Variants in GRK5 observed in about 807,000 individuals in gnomAD.
GRK5 encodes the protein g protein-coupled receptor kinase GRK5.
A neutral mutation model predicts 78.4 loss-of-function variants in GRK5; 40 were observed. That is an observed-to-expected ratio of 0.51 (90% CI 0.40 to 0.66). GRK5 has a LOEUF of 0.66. Among genes scored for constraint, GRK5 ranks in the 30% least tolerant of loss-of-function variants. The pLI, the probability that GRK5 is intolerant of heterozygous loss-of-function variation, is 0.00. For missense variants in GRK5, 598 were observed against 759.9 expected (o/e 0.79, Z 2.50); for synonymous variants, 289 against 296.8 (o/e 0.97, Z 0.27).
chr10:119,298,107 T>C (rs1038795791), intron 1 of GRK5, among the ~76,000 whole-genome samples: 4 of 152,240 alleles, frequency 2.6e-5, no homozygotes, highest in African/African-American at 9.6e-5. Context: ...TTAACATTTA[T>C]TGAGCACTTA....
intron 1 of GRK5, among the ~76,000 whole-genome samples, chr10:119,289,680 G>A (rs1209565333): frequency 3.3e-5 from 5 of 152,182 alleles, no homozygotes; most frequent in Admixed American, 2.0e-4. Flanking sequence ...CGGGCCTCCC[G>A]CTTCCCGAGT....
chr10:119,349,039 TC>T (rs1851148779), intron 2 of GRK5, among the ~76,000 whole-genome samples: 2 of 152,052 alleles, frequency 1.3e-5, no homozygotes, highest in Admixed American at 1.3e-4. Flanking sequence ...TCCGCCCTCC[TC>T]CCACCCACCG....
chr10:119,304,896 T>C (rs1226642537), intron 1 of GRK5, among the ~76,000 whole-genome samples: 1 of 152,200 alleles, frequency 6.6e-6, no homozygotes, highest in Non-Finnish European at 1.5e-5. Context: ...TCCCTCCTTC[T>C]GTCCCTCCCT....
intron 2 of GRK5, among the ~76,000 whole-genome samples, chr10:119,344,938 T>TCCTTCCTTCCTTCCTTCCTTCC (rs1851061961): frequency 1.6e-5 from 1 of 62,420 alleles, no homozygotes; most frequent in Non-Finnish European, 3.4e-5. Context: ...TCCTTCCTTT[T>TCCTTCCTTCCTTCCTTCCTTCC]CCTCCCTCCC....
intron 2 of GRK5, among the ~76,000 whole-genome samples, chr10:119,334,059 C>A (rs1850830481): frequency 1.3e-5 from 2 of 152,226 alleles, no homozygotes; most frequent in African/African-American, 4.8e-5. Context: ...GCCTTCTCTT[C>A]AACCTGGAAG....
At chr10:119,318,970 C>G (rs1258293302) in intron 1 of GRK5, among the ~76,000 whole-genome samples, 1 of 152,140 alleles carries the variant, frequency 6.6e-6, no homozygotes, top group East Asian at 1.9e-4. Flanking sequence ...GCTTTAGTCT[C>G]TCAGTAGCTC....
chr10:119,261,630 ACT>A lies in GRK5; in HGVS notation c.52+53664_52+53665del, dbSNP rs577369229. On this transcript the variant is annotated intron_variant, in intron 1 of 15. Coordinates refer to ENST00000392870, the MANE Select transcript of GRK5 (RefSeq NM_005308.3). The stretch of plus-strand genomic sequence containing the variant: ...CGCCATTGAGCACTGAGTGAACCAG[ACT>A]CTGTCTGCAATCCCGGCACCTCGGG... Among the ~76,000 whole-genome samples the A allele has an allele frequency of 1.0e-3, 153 of 152,248 alleles. 2 individuals are homozygous for A. In the Middle Eastern group the frequency reaches 0.034, roughly 34 times the overall value.
rs749921571 is a variant in GRK5, at chr10:119,326,532, C to A, written c.69C>A (p.Arg23=). ...TCTCTGCAGGGGGCGGAGGAAAGCG[C>A]AAAGGGAAAAGCAAGAAGTGGAAAG... is the stretch of plus-strand genomic sequence containing the variant. ...LKAREGGGGK[R]KGKSKKWKEI... Residue 23 remains arginine (R), a synonymous_variant, in exon 2 of 16, where the codon CGC becomes CGA. Transcript: ENST00000392870. 5.8e-5 allele frequency: 94 copies of A among 1,613,988 alleles called. No homozygotes were observed. The Admixed American group carries it at 1.5e-3, about 26-fold the overall frequency.
chr10:119,296,224 G>T (rs188597054), intron 1 of GRK5, among the ~76,000 whole-genome samples: 3 of 152,160 alleles, frequency 2.0e-5, no homozygotes, highest in African/African-American at 7.2e-5. Context: ...CAGGCGTCAC[G>T]TCTAGTCCCA....
At chr10:119,313,324 CAGT>C (rs1850430254) in intron 1 of GRK5, among the ~76,000 whole-genome samples, 1 of 137,700 alleles carries the variant, frequency 7.3e-6, no homozygotes, top group African/African-American at 2.7e-5. Context: ...GTGGCAATGG[CAGT>C]GGTGGTGGTG....
chr10:119,226,386 A>G (rs1369780857), intron 1 of GRK5, among the ~76,000 whole-genome samples: 2 of 138,692 alleles, frequency 1.4e-5, no homozygotes, highest in Non-Finnish European at 3.0e-5. Flanking sequence ...ATCTCGGCCC[A>G]CTGCAACCTT....
At chr10:119,220,967 A>G (rs895251577) in intron 1 of GRK5, among the ~76,000 whole-genome samples, 1 of 152,204 alleles carries the variant, frequency 6.6e-6, no homozygotes, top group African/African-American at 2.4e-5. Flanking sequence ...GAGCCTGGCC[A>G]ACATGGCAAA....
intron 1 of GRK5, among the ~76,000 whole-genome samples, chr10:119,306,183 T>C (rs1487519691): frequency 2.0e-5 from 3 of 152,160 alleles, no homozygotes; most frequent in Non-Finnish European, 2.9e-5. Context: ...CAGAGTCTAG[T>C]TGAGGCTCTG....
intron 1 of GRK5, among the ~76,000 whole-genome samples, chr10:119,266,322 G>A (rs1430464088): frequency 6.6e-6 from 1 of 152,134 alleles, no homozygotes. Flanking sequence ...AGGCATGATG[G>A]TGCTCATGCT....
intron 1 of GRK5, among the ~76,000 whole-genome samples, chr10:119,296,463 G>C (rs1850083542): frequency 1.3e-5 from 2 of 152,238 alleles, no homozygotes; most frequent in Non-Finnish European, 2.9e-5. Context: ...AACAGGCACT[G>C]TTCAATGTCT....
chr10:119,232,133 C>T (rs965005968), intron 1 of GRK5, among the ~76,000 whole-genome samples: 8 of 152,172 alleles, frequency 5.3e-5, no homozygotes, highest in Non-Finnish European at 1.0e-4. Context: ...ATATACACAA[C>T]GGGAATCTAT....
chr10:119,343,530 C>T (rs968621229), intron 2 of GRK5, among the ~76,000 whole-genome samples: 1 of 152,230 alleles, frequency 6.6e-6, no homozygotes, highest in African/African-American at 2.4e-5. Flanking sequence ...GGATTCACAC[C>T]TGGGCCTGAG....
At chr10:119,328,269 G>C (rs1850712959) in intron 2 of GRK5, among the ~76,000 whole-genome samples, 1 of 152,206 alleles carries the variant, frequency 6.6e-6, no homozygotes, top group Non-Finnish European at 1.5e-5. Context: ...TGTGTTCCTG[G>C]GGCTGTAGCT....
At chr10:119,257,535 C>G (rs1849309132) in intron 1 of GRK5, among the ~76,000 whole-genome samples, 1 of 152,170 alleles carries the variant, frequency 6.6e-6, no homozygotes, top group Admixed American at 6.5e-5. Context: ...ACCAGCCTGG[C>G]CAACATGGTG....
Sources: gnomAD v4.1 joint callset for allele counts (sites outside exome capture counted in the v4.1 genomes callset) on GRCh38, gnomAD v4.1.1 for gene constraint, MANE v1.5 for transcripts, NCBI Gene and HGNC (gene_info 2026-07-23, HGNC 2026-07-21) for gene names.